PTPN4: variants seen among roughly 807,000 people sequenced by gnomAD.
PTPN4 encodes tyrosine-protein phosphatase non-receptor type 4.
Under a neutral mutation model 135.5 loss-of-function variants are expected in PTPN4, and 49 were observed. The ratio of observed to expected loss-of-function variants is 0.36; its 90% CI spans 0.29 to 0.46. The LOEUF (loss-of-function observed/expected upper bound fraction) is 0.46, where lower values mean the gene tolerates loss of function less well. Ranked by LOEUF, PTPN4 falls within the 20% of genes least tolerant of loss-of-function variation. The pLI is 1.00. For synonymous variants in PTPN4, 333 were observed against 369.9 expected, an observed-to-expected ratio of 0.90 and a Z score of 1.14; for missense variants, 860 against 1,101.0, an observed-to-expected ratio of 0.78 and a Z score of 3.10.
At chr2:119,765,255 C>G (rs546746002) in intron 1 of PTPN4, among the ~76,000 whole-genome samples, 9 of 152,244 alleles carry the variant, frequency 5.9e-5, no homozygotes, top group Admixed American at 2.0e-4. Flanking sequence ...TTTATTTTAG[C>G]TACCCAAAGC....
intron 3 of PTPN4, among the ~76,000 whole-genome samples, chr2:119,864,333 G>A (rs552923504): frequency 6.6e-6 from 1 of 152,044 alleles, no homozygotes; most frequent in Non-Finnish European, 1.5e-5. Context: ...TTCTTGCCCT[G>A]ATCATTTAAA....
At chr2:119,812,701 C>T (rs1024850058) in intron 2 of PTPN4, among the ~76,000 whole-genome samples, 1 of 152,188 alleles carries the variant, frequency 6.6e-6, no homozygotes, top group African/African-American at 2.4e-5. Flanking sequence ...TTGTCCCTCT[C>T]ATGCCGTGAA....
rs1260181869 is a variant in PTPN4 at position 119,812,023 on chromosome 2, A to G, written c.138+2032A>G. Among the ~76,000 whole-genome samples the G allele has an allele frequency of 2.0e-5, 3 of 152,258 alleles. No individual in the cohort carries two copies. In the East Asian group the frequency reaches 5.8e-4, roughly 29 times the overall value. On this transcript the variant is annotated intron_variant, in intron 2 of 26. Transcript: ENST00000263708. ...ACTTTCTCTACCATTATCTCAGGTC[A>G]TCAAAAAACTTAAGAGGAACAATAT...
intron 15 of PTPN4, among the ~76,000 whole-genome samples, chr2:119,942,511 A>G (rs931387110): frequency 6.6e-6 from 1 of 152,074 alleles, no homozygotes; most frequent in Non-Finnish European, 1.5e-5. Context: ...ACAGGCTTTT[A>G]GTTTTAAATT....
chr2:119,805,715 G>A (rs1691455287), intron 1 of PTPN4, among the ~76,000 whole-genome samples: 1 of 152,182 alleles, frequency 6.6e-6, no homozygotes, highest in African/African-American at 2.4e-5. Context: ...CAGATAGTGT[G>A]ATGCCTCCAG....
intron 15 of PTPN4, among the ~76,000 whole-genome samples, chr2:119,938,642 G>A (rs976376247): frequency 2.0e-5 from 3 of 151,896 alleles, no homozygotes; most frequent in Non-Finnish European, 4.4e-5. Flanking sequence ...AGTGATTTGT[G>A]TTAGAATTTA....
At chr2:119,945,625 A>G (rs1017409930) in intron 16 of PTPN4, among the ~76,000 whole-genome samples, 3 of 152,002 alleles carry the variant, frequency 2.0e-5, no homozygotes, top group African/African-American at 7.2e-5. Context: ...AATAAAAATA[A>G]CAATAAAGAA....
At chr2:119,973,154 A>T (rs1679561353) in intron 26 of PTPN4, among the ~76,000 whole-genome samples, 1 of 152,114 alleles carries the variant, frequency 6.6e-6, no homozygotes, top group South Asian at 2.1e-4. Flanking sequence ...CCATTAAAAA[A>T]AACTCCCCAT....
chr2:119,820,152 T>G (rs1677044631), intron 2 of PTPN4, among the ~76,000 whole-genome samples: 1 of 152,202 alleles, frequency 6.6e-6, no homozygotes, highest in African/African-American at 2.4e-5. Context: ...TGAGCCGCGG[T>G]GCCTGGCCTA....
intron 12 of PTPN4, among the ~76,000 whole-genome samples, chr2:119,925,379 G>T (rs1160126846): frequency 6.6e-6 from 1 of 152,174 alleles, no homozygotes; most frequent in East Asian, 1.9e-4. Context: ...ACATTAAATT[G>T]TATATACATA....
At chr2:119,972,897 C>G (rs1237616920) in intron 26 of PTPN4, among the ~76,000 whole-genome samples, 1 of 152,068 alleles carries the variant, frequency 6.6e-6, no homozygotes, top group Non-Finnish European at 1.5e-5. Context: ...TGAGATAAAT[C>G]TCACTTGGAC....
At chr2:119,893,304 T>G (rs554316441) in intron 9 of PTPN4, among the ~76,000 whole-genome samples, 1 of 152,252 alleles carries the variant, frequency 6.6e-6, no homozygotes, top group South Asian at 2.1e-4. Flanking sequence ...GCTATGGGTG[T>G]GAGAGAAAAA....
chr2:119,784,926 C>G, intron 1 of PTPN4, among the ~76,000 whole-genome samples: 1 of 143,140 alleles, frequency 7.0e-6, no homozygotes. Context: ...GTTCCTCATC[C>G]TTTCCATTTT....
At position 119,945,075 on chromosome 2, in the gene PTPN4, G is replaced by A. The variant is rs1487886973; in HGVS notation, c.1356-6G>A. On this transcript the variant is annotated splice_region_variant and splice_polypyrimidine_tract_variant and intron_variant, in intron 15 of 26. Transcript: ENST00000263708. The stretch of plus-strand genomic sequence containing the variant: ...AAACAACTTCCAAATTTGTTTTCTT[G>A]TCTAGATCACAAGAGACCCCTGGAG... The A allele has an allele frequency of 1.3e-6, 2 of 1,573,724 alleles. No individual in the cohort carries two copies. Among genetic ancestry groups the A allele is most frequent in the East Asian group, 2.3e-5 (1 of 42,998 alleles).
intron 13 of PTPN4, among the ~76,000 whole-genome samples, chr2:119,931,584 C>T (rs140977715): frequency 6.6e-6 from 1 of 151,974 alleles, no homozygotes; most frequent in Non-Finnish European, 1.5e-5. Flanking sequence ...GCTTGGACTA[C>T]AGGCACTTGC....
At chr2:119,831,399 A>G (rs1208363195) in intron 2 of PTPN4, among the ~76,000 whole-genome samples, 2 of 152,192 alleles carry the variant, frequency 1.3e-5, no homozygotes, top group Non-Finnish European at 2.9e-5. Flanking sequence ...AATCAACAAT[A>G]AATGGAATAG....
intron 3 of PTPN4, among the ~76,000 whole-genome samples, chr2:119,873,271 A>C (rs1168034967): frequency 6.6e-6 from 1 of 152,070 alleles, no homozygotes; most frequent in Non-Finnish European, 1.5e-5. Flanking sequence ...CAAATAGAAG[A>C]AGCTCACTGA....
chr2:119,956,124 A>G (rs1353998807), intron 20 of PTPN4, among the ~76,000 whole-genome samples: 3 of 152,058 alleles, frequency 2.0e-5, no homozygotes, highest in African/African-American at 4.8e-5. Context: ...CCAATGAACT[A>G]GAATGCTTCT....
intron 10 of PTPN4, among the ~76,000 whole-genome samples, chr2:119,911,415 A>G (rs1574400701): frequency 6.6e-6 from 1 of 152,282 alleles, no homozygotes; most frequent in African/African-American, 2.4e-5. Flanking sequence ...GAGCATTTCA[A>G]TAGATGCAGA....
Sources: allele counts gnomAD v4.1 joint callset (sites outside exome capture counted in the v4.1 genomes callset), GRCh38; gene constraint gnomAD v4.1.1; transcripts MANE v1.5; gene names NCBI Gene and HGNC (gene_info 2026-07-23, HGNC 2026-07-21).